The following TLN2 variants were observed in gnomAD, a reference collection of about 807,000 sequenced individuals.
TLN2 encodes the protein talin 2.
Under a neutral mutation model 294.7 loss-of-function variants are expected in TLN2, and 118 were observed. The observed-to-expected ratio is 0.40, with a 90% CI of 0.34 to 0.47. TLN2 has a LOEUF of 0.47. Among genes scored for constraint, TLN2 ranks in the 20% least tolerant of loss-of-function variants. TLN2 has a pLI of 0.84. For missense variants in TLN2, 3,083 were observed against 3,282.2 expected, an observed-to-expected ratio of 0.94 and a Z score of 1.48; for synonymous variants, 1,431 against 1,304.5, an observed-to-expected ratio of 1.10 and a Z score of -2.09.
intron 1 of TLN2, among the ~76,000 whole-genome samples, chr15:62,440,163 C>G (rs774709148): frequency 6.6e-6 from 1 of 152,184 alleles, no homozygotes; most frequent in Non-Finnish European, 1.5e-5. Context: ...CCTGTCTCCT[C>G]GATCTCGTGG....
chr15:62,718,494 T>G (rs769031684), intron 24 of TLN2, among the ~76,000 whole-genome samples: 1 of 152,238 alleles, frequency 6.6e-6, no homozygotes, highest in Non-Finnish European at 1.5e-5. Context: ...GGGGTGCCAC[T>G]GCTCCCACTT....
chr15:62,817,008 G>C (rs2067170214), intron 52 of TLN2, among the ~76,000 whole-genome samples: 1 of 152,104 alleles, frequency 6.6e-6, no homozygotes, highest in Non-Finnish European at 1.5e-5. Flanking sequence ...AATTTTATCA[G>C]TAGCTCTTTA....
intron 1 of TLN2, among the ~76,000 whole-genome samples, chr15:62,408,193 G>C (rs1417685472): frequency 6.6e-6 from 1 of 152,010 alleles, no homozygotes. Flanking sequence ...AAACTGAGAG[G>C]GTGTGGCCTT....
chr15:62,529,451 G>A (rs989594947), intron 1 of TLN2, among the ~76,000 whole-genome samples: 3 of 151,278 alleles, frequency 2.0e-5, no homozygotes, highest in African/African-American at 7.3e-5. Flanking sequence ...GAGAGAACTC[G>A]TATTGCAACT....
Position 62,843,475 on chromosome 15 carries a change from TG to T in TLN2, c.*2867del, listed in dbSNP as rs1428673500. The T allele has an allele frequency of 6.6e-6, 1 of 152,250 alleles. No homozygotes were observed. Among genetic ancestry groups the T allele is most frequent in the East Asian group, 1.9e-4 (1 of 5,198 alleles). The allele number at this position is 152,250 out of a possible 1,614,324, so 9.4% of individuals were successfully genotyped here. A position where few individuals can be genotyped will look rare whatever the true frequency, so the allele number is the denominator to read the frequency against. ...GCAGGCAGGTTCCTCAATTCCTGGT[TG>T]GCCCTGCAGTCGGTCAACACAGTCC... On this transcript the variant is annotated 3_prime_UTR_variant, in exon 59 of 59. Coordinates refer to ENST00000636159, the MANE Select transcript of TLN2 (RefSeq NM_015059.3).
At chr15:62,475,615 A>C (rs754953617) in intron 1 of TLN2, among the ~76,000 whole-genome samples, 1 of 152,164 alleles carries the variant, frequency 6.6e-6, no homozygotes. Context: ...CTTATTCTTT[A>C]TATCTCATAA....
In TLN2 at chr15:62,831,620, G is replaced by T. The variant is rs1274337558; in HGVS notation, c.7003-1884G>T. On this transcript the variant is annotated intron_variant, in intron 54 of 58. Transcript: ENST00000636159. ...ATTCTATACTCCACCAGTCCAAAAT[G>T]AGTCCAGTAGAACTAAATTCATGTC... The T allele has an allele frequency of 3.3e-5, 5 of 152,070 alleles. No individual in the cohort carries two copies. The East Asian group carries it at 9.6e-4, about 29-fold the overall frequency. 9.4% of individuals were successfully genotyped at this position (152,070 alleles called of 1,614,324 possible). A position where few individuals can be genotyped will look rare whatever the true frequency, so the allele number is the denominator to read the frequency against.
chr15:62,690,830 G>C (rs981753222), intron 12 of TLN2, among the ~76,000 whole-genome samples: 1 of 151,674 alleles, frequency 6.6e-6, no homozygotes, highest in Non-Finnish European at 1.5e-5. Context: ...GGCCAACACA[G>C]CGAAACCCCG....
At chr15:62,613,833 C>A (rs2048102563) in intron 2 of TLN2, among the ~76,000 whole-genome samples, 1 of 144,944 alleles carries the variant, frequency 6.9e-6, no homozygotes. Flanking sequence ...AATAATTATG[C>A]TAAGTAATGA....
At position 62,753,819 on chromosome 15, in the gene TLN2, A is replaced by G; in HGVS notation, c.4379A>G (p.His1460Arg). 6.2e-7 allele frequency: 1 copy of G among 1,612,368 alleles called. No homozygotes were observed. The highest frequency in any genetic ancestry group is 8.5e-7 in the Non-Finnish European group (1 of 1,179,272). Residue 1460 changes from histidine to arginine, a missense_variant, in exon 36 of 59, where the codon CAC becomes CGC. Coordinates refer to ENST00000636159, the MANE Select transcript of TLN2 (RefSeq NM_015059.3). The part of the protein sequence containing the change: ...GISDPNSQAG[H>R]QGLVDPIQFA... ...TCTGATCCAAACAGCCAGGCAGGCC[A>G]CCAGGGCCTGGTGGACCCCATCCAG... is the stretch of plus-strand genomic sequence containing the variant.
chr15:62,447,739 C>T (rs939529141), intron 1 of TLN2, among the ~76,000 whole-genome samples: 5 of 152,066 alleles, frequency 3.3e-5, no homozygotes, highest in Admixed American at 6.5e-5. Flanking sequence ...GTGATCTGCC[C>T]GCCTTGGCCT....
intron 1 of TLN2, among the ~76,000 whole-genome samples, chr15:62,582,247 C>CACACACACACACACACACACACAT (rs1412650912): frequency 1.9e-5 from 2 of 103,130 alleles, no homozygotes; most frequent in South Asian, 3.9e-4. Flanking sequence ...CACACACACA[C>CACACACACACACACACACACACAT]ATTCATGCCT....
At position 62,418,797 on chromosome 15, in the gene TLN2, G is replaced by A. The variant is rs538005919; in HGVS notation, c.-238+28112G>A. 8.5e-5 allele frequency among the ~76,000 whole-genome samples: 13 copies of A among 152,302 alleles called. No individual in the cohort carries two copies. The South Asian group carries it at 2.7e-3, about 32-fold the overall frequency. On this transcript the variant is annotated intron_variant, in intron 1 of 58. Coordinates refer to ENST00000636159, the MANE Select transcript of TLN2 (RefSeq NM_015059.3). ...ATGATAAAGAACCTTCTTAAGGGTG[G>A]GGGAGATTACAAAGTACATTGATCA...
At chr15:62,455,695 T>G (rs1289391852) in intron 1 of TLN2, among the ~76,000 whole-genome samples, 1 of 152,196 alleles carries the variant, frequency 6.6e-6, no homozygotes, top group Non-Finnish European at 1.5e-5. Flanking sequence ...GGGCTGCCTG[T>G]CACGGGTCAC....
intron 1 of TLN2, among the ~76,000 whole-genome samples, chr15:62,407,325 A>T (rs866047167): frequency 6.6e-6 from 1 of 152,188 alleles, no homozygotes; most frequent in South Asian, 2.1e-4. Context: ...CCTCAGTATC[A>T]TAGGTTTCTC....
At chr15:62,531,218 A>G (rs992733251) in intron 1 of TLN2, among the ~76,000 whole-genome samples, 3 of 152,242 alleles carry the variant, frequency 2.0e-5, no homozygotes, top group African/African-American at 7.2e-5. Flanking sequence ...TATGGTGTAT[A>G]TTCACAGTGG....
In TLN2 at chr15:62,737,096, G is replaced by C. The variant is rs2140958356; in HGVS notation, c.3567+10G>C. 6.2e-7 allele frequency: 1 copy of C among 1,613,862 alleles called. No individual in the cohort carries two copies. Among genetic ancestry groups the C allele is most frequent in the East Asian group, 2.2e-5 (1 of 44,872 alleles). The stretch of plus-strand genomic sequence containing the variant: ...ACAAAGACTGGCTCAGGTGAGGCTA[G>C]GAATGAGAAATTGTGGTTGTCATGG... On this transcript the variant is annotated intron_variant, in intron 29 of 58. Transcript: ENST00000636159.
At chr15:62,444,244 C>T (rs939968334) in intron 1 of TLN2, among the ~76,000 whole-genome samples, 23 of 152,202 alleles carry the variant, frequency 1.5e-4, no homozygotes, top group African/African-American at 5.3e-4. Context: ...ACGAGGAGAT[C>T]TGAGAAATGG....
chr15:62,764,987 AAAAAG>A (rs1373138721), intron 40 of TLN2, among the ~76,000 whole-genome samples: 1 of 151,182 alleles, frequency 6.6e-6, no homozygotes. Context: ...AAAAAAAAAA[AAAAAG>A]TAGCAAAGAT....
Sources: allele counts gnomAD v4.1 joint callset (sites outside exome capture counted in the v4.1 genomes callset), GRCh38; gene constraint gnomAD v4.1.1; transcripts MANE v1.5; gene names NCBI Gene and HGNC (gene_info 2026-07-23, HGNC 2026-07-21).